KCNN2: variants seen among roughly 807,000 people sequenced by gnomAD.
The protein encoded by KCNN2 is small conductance calcium-activated potassium channel protein 2.
In KCNN2, 24 loss-of-function variants were observed where a neutral mutation model predicts 55.5. The observed-to-expected ratio is 0.43, with a 90% CI of 0.31 to 0.61. The LOEUF is 0.61. Among genes scored for constraint, KCNN2 ranks in the 20% least tolerant of loss-of-function variants. The probability of loss-of-function intolerance (pLI) is 0.08; values close to 1 mark genes in which losing one functional copy is unlikely to be tolerated. For missense variants in KCNN2, 754 were observed against 853.6 expected (o/e 0.88, Z 1.45); for synonymous variants, 431 against 336.1 (o/e 1.28, Z -3.09).
intron 2 of KCNN2, among the ~76,000 whole-genome samples, chr5:114,252,110 T>A (rs1226416735): frequency 6.6e-6 from 1 of 152,040 alleles, no homozygotes; most frequent in African/African-American, 2.4e-5. Context: ...ACTCCTGACC[T>A]CAAGTGATCC....
chr5:114,476,146 C>T (rs1206372331), intron 5 of KCNN2, among the ~76,000 whole-genome samples: 1 of 151,124 alleles, frequency 6.6e-6, no homozygotes, highest in African/African-American at 2.4e-5. Flanking sequence ...ACTAACTCGT[C>T]ATCTAGCATT....
At chr5:114,216,100 G>A (rs2112587177) in intron 1 of KCNN2, among the ~76,000 whole-genome samples, 1 of 152,096 alleles carries the variant, frequency 6.6e-6, no homozygotes, top group East Asian at 1.9e-4. Context: ...GGTTTCCAAA[G>A]GTTTTTAATT....
intron 4 of KCNN2, among the ~76,000 whole-genome samples, chr5:114,472,181 T>C (rs1353329204): frequency 1.3e-5 from 2 of 152,144 alleles, no homozygotes; most frequent in African/African-American, 2.4e-5. Context: ...ATGAATTGGC[T>C]GCAGCACCTT....
intron 1 of KCNN2, among the ~76,000 whole-genome samples, chr5:114,124,605 C>T (rs2974466): frequency 0.07 from 10,652 of 152,134 alleles, 1,213 homozygotes; most frequent in African/African-American, 0.24. Context: ...CCTCATCTCC[C>T]GTTACTCTCT....
rs138463922 is a variant in KCNN2 at position 114,108,128 on chromosome 5, G to T, written c.-271+51628G>T. ...TTTTTTTGAAAGCCTCTCTAGGACA[G>T]TGTTGCATAGAACTGGTTTTGGTAG... On this transcript the variant is annotated intron_variant, in intron 1 of 10. Transcript: ENST00000512097. Among the ~76,000 whole-genome samples, 44 of 152,094 alleles carry T rather than the reference G, an allele frequency of 2.9e-4. No homozygotes were observed. The East Asian group carries it at 8.3e-3, about 29-fold the overall frequency.
Position 114,362,495 on chromosome 5 carries a change from C to T in KCNN2, c.356C>T (p.Ser119Leu). The T allele has an allele frequency of 2.1e-6, 1 of 468,660 alleles. No homozygotes were observed. Among genetic ancestry groups the T allele is most frequent in the Non-Finnish European group, 3.7e-6 (1 of 269,414 alleles). The allele number at this position is 468,660 out of a possible 1,614,324, so 29.0% of individuals were successfully genotyped here. The change falls in exon 1 of 8, where the codon TCG (serine) becomes TTG (leucine). Residue 119 changes from serine (S) to leucine (L), a missense_variant. Ser to Leu is a moderately radical substitution (Grantham distance 145). Coordinates refer to ENST00000673685, the MANE Select transcript of KCNN2 (RefSeq NM_021614.4). ...GSSCCCCCCS[S>L]RRGSQLNVSE... ...TCCTGCTGCTGCTGCTGCTGCTCGT[C>T]GCGCCGGGGCAGCCAGCTCAATGTG...
At chr5:114,067,595 A>T (rs1361274850) in intron 1 of KCNN2, among the ~76,000 whole-genome samples, 1 of 152,222 alleles carries the variant, frequency 6.6e-6, no homozygotes, top group Non-Finnish European at 1.5e-5. Context: ...TTATAAAATT[A>T]TAACTTTGTG....
intron 1 of KCNN2, among the ~76,000 whole-genome samples, chr5:114,117,946 C>CTG (rs1236407501): frequency 1.3e-5 from 2 of 152,098 alleles, no homozygotes; most frequent in Non-Finnish European, 2.9e-5. Flanking sequence ...GGGAGGTGAA[C>CTG]TGGTTTGCCA....
intron 2 of KCNN2, among the ~76,000 whole-genome samples, chr5:114,392,115 T>C (rs1758465772): frequency 6.6e-6 from 1 of 152,214 alleles, no homozygotes; most frequent in African/African-American, 2.4e-5. Flanking sequence ...TTGATATTTC[T>C]GTAGTGCAGA....
intron 1 of KCNN2, among the ~76,000 whole-genome samples, chr5:114,132,004 G>A (rs753171670): frequency 6.6e-6 from 1 of 152,048 alleles, no homozygotes; most frequent in African/African-American, 2.4e-5. Context: ...ATTTGTCTAA[G>A]TTCCTTGTAG....
intron 1 of KCNN2, among the ~76,000 whole-genome samples, chr5:114,177,372 C>T (rs923844914): frequency 7.2e-5 from 11 of 151,992 alleles, no homozygotes; most frequent in Non-Finnish European, 8.8e-5. Context: ...CTCCTGACCT[C>T]GTGATCCACC....
At chr5:114,287,601 G>T (rs1248765110) in intron 2 of KCNN2, among the ~76,000 whole-genome samples, 7 of 148,258 alleles carry the variant, frequency 4.7e-5, no homozygotes, top group South Asian at 2.2e-4. Flanking sequence ...CCTGTCGGGG[G>T]ATGGGGGGCA....
At chr5:114,406,363 C>A (rs1430403880) in intron 3 of KCNN2, among the ~76,000 whole-genome samples, 1 of 150,982 alleles carries the variant, frequency 6.6e-6, no homozygotes, top group African/African-American at 2.4e-5. Flanking sequence ...TATAAACATA[C>A]CCCTTTCACA....
At chr5:114,476,508 T>A (rs1761974109) in intron 5 of KCNN2, among the ~76,000 whole-genome samples, 1 of 150,628 alleles carries the variant, frequency 6.6e-6, no homozygotes, top group Non-Finnish European at 1.5e-5. Context: ...AACCTCCACC[T>A]CCTGGATTCA....
intron 2 of KCNN2, among the ~76,000 whole-genome samples, chr5:114,271,334 G>A (rs2150008256): frequency 6.6e-6 from 1 of 152,232 alleles, no homozygotes; most frequent in South Asian, 2.1e-4. Context: ...TGATTGGTGT[G>A]TTTACAAACT....
At position 114,363,854 on chromosome 5, in the gene KCNN2, G is replaced by T; in HGVS notation, c.1123-52G>T. On this transcript the variant is annotated intron_variant, in intron 1 of 7. Coordinates refer to ENST00000673685, the MANE Select transcript of KCNN2 (RefSeq NM_021614.4). The stretch of plus-strand genomic sequence containing the variant: ...CTGACTGACTCTGGGGACGTGGAAG[G>T]CGGTTAAAAGTGCTTCTTTCTTAAA... 4 of 1,320,584 alleles carry T rather than the reference G, an allele frequency of 3.0e-6. No homozygotes were observed. The South Asian group carries it at 4.8e-5, about 16-fold the overall frequency. 81.8% of individuals were successfully genotyped at this position (1,320,584 alleles called of 1,614,324 possible).
At chr5:114,388,381 T>A (rs1173756541) in intron 2 of KCNN2, among the ~76,000 whole-genome samples, 1 of 152,200 alleles carries the variant, frequency 6.6e-6, no homozygotes, top group Non-Finnish European at 1.5e-5. Context: ...TATTTAACAG[T>A]GTTTAAGGTT....
At chr5:114,131,647 A>T (rs113286876) in intron 1 of KCNN2, among the ~76,000 whole-genome samples, 1 of 152,146 alleles carries the variant, frequency 6.6e-6, no homozygotes, top group African/African-American at 2.4e-5. Flanking sequence ...GTATATACCC[A>T]GTAATGGGAT....
At chr5:114,398,818 T>A (rs1212193348) in intron 2 of KCNN2, among the ~76,000 whole-genome samples, 1 of 152,192 alleles carries the variant, frequency 6.6e-6, no homozygotes, top group Non-Finnish European at 1.5e-5. Flanking sequence ...TGAATGGGAT[T>A]GTGTTCTTGA....
Sources: gnomAD v4.1 joint callset for allele counts (sites outside exome capture counted in the v4.1 genomes callset) on GRCh38, gnomAD v4.1.1 for gene constraint, MANE v1.5 for transcripts, NCBI Gene and HGNC (gene_info 2026-07-23, HGNC 2026-07-21) for gene names.